The following PDE10A variants were observed in gnomAD, a reference collection of about 807,000 sequenced individuals.
The protein encoded by PDE10A is phosphodiesterase 10A, also known as cAMP and cAMP-inhibited cGMP 3',5'-cyclic phosphodiesterase 10A.
Under a neutral mutation model 97.7 loss-of-function variants are expected in PDE10A, and 39 were observed. That is an observed-to-expected ratio of 0.40 (90% CI 0.31 to 0.52). The LOEUF (loss-of-function observed/expected upper bound fraction) is 0.52, where lower values mean the gene tolerates loss of function less well. Ranked by LOEUF, PDE10A falls within the 20% of genes least tolerant of loss-of-function variation. PDE10A has a pLI of 0.56. For synonymous variants in PDE10A, 371 were observed against 376.8 expected (o/e 0.98, Z 0.18); for missense variants, 731 against 1,047.8 (o/e 0.70, Z 4.17).
intron 1 of PDE10A, among the ~76,000 whole-genome samples, chr6:165,941,745 C>T (rs1024013014): frequency 2.0e-5 from 3 of 152,208 alleles, no homozygotes; most frequent in African/African-American, 4.8e-5. Flanking sequence ...GATGCCAGCA[C>T]CATGCTTCTT....
At chr6:165,766,027 G>A (rs80020617) in intron 1 of PDE10A, among the ~76,000 whole-genome samples, 7,754 of 152,258 alleles carry the variant, frequency 0.051, 223 homozygotes, top group South Asian at 0.099. Context: ...TAAGGACAGA[G>A]TCAGTAAAAT....
At chr6:165,586,584 A>AAT (rs1041819927) in intron 1 of PDE10A, among the ~76,000 whole-genome samples, 6 of 152,222 alleles carry the variant, frequency 3.9e-5, no homozygotes, top group African/African-American at 1.4e-4. Flanking sequence ...AAATGTTAAT[A>AAT]ATATCCACAA....
intron 1 of PDE10A, among the ~76,000 whole-genome samples, chr6:165,838,178 C>G (rs572682828): frequency 6.6e-6 from 1 of 152,104 alleles, no homozygotes; most frequent in Non-Finnish European, 1.5e-5. Flanking sequence ...TCTCGTAAAC[C>G]CTTTGGGGAA....
chr6:165,333,350 G>A (rs758239307), intron 21 of PDE10A, among the ~76,000 whole-genome samples: 14 of 152,136 alleles, frequency 9.2e-5, no homozygotes, highest in Non-Finnish European at 1.2e-4. Flanking sequence ...TGGTCCATCC[G>A]CTCTGGACCG....
intron 1 of PDE10A, among the ~76,000 whole-genome samples, chr6:165,862,505 C>T (rs1037212928): frequency 3.3e-5 from 5 of 152,130 alleles, no homozygotes; most frequent in East Asian, 1.9e-4. Flanking sequence ...AACTCGACCA[C>T]GTTTAACAGT....
chr6:165,709,400 C>T (rs534866281), intron 1 of PDE10A, among the ~76,000 whole-genome samples: 150 of 143,054 alleles, frequency 1.0e-3, no homozygotes, highest in Non-Finnish European at 1.8e-3. Flanking sequence ...CATGCTGCCG[C>T]GCTCCCTCCA....
At chr6:165,974,055 A>C (rs1033561303) in intron 1 of PDE10A, among the ~76,000 whole-genome samples, 1 of 152,218 alleles carries the variant, frequency 6.6e-6, no homozygotes, top group Non-Finnish European at 1.5e-5. Context: ...TAAACATATC[A>C]ATTACAAGTT....
chr6:165,424,407 G>A (rs1583257851), intron 10 of PDE10A, among the ~76,000 whole-genome samples: 1 of 152,198 alleles, frequency 6.6e-6, no homozygotes, highest in East Asian at 1.9e-4. Context: ...AGATTCCCAA[G>A]AAACATTATA....
chr6:165,642,723 C>T (rs911993579), intron 1 of PDE10A, among the ~76,000 whole-genome samples: 19 of 152,176 alleles, frequency 1.2e-4, no homozygotes, highest in African/African-American at 4.1e-4. Context: ...GGTGGGTGAA[C>T]GCTACACAGC....
intron 1 of PDE10A, among the ~76,000 whole-genome samples, chr6:165,568,833 A>T (rs753312225): frequency 6.6e-6 from 1 of 152,234 alleles, no homozygotes; most frequent in African/African-American, 2.4e-5. Flanking sequence ...GAAGAAGGAA[A>T]GAGAAATTTA....
At chr6:165,378,596 A>G (rs953279161) in intron 18 of PDE10A, among the ~76,000 whole-genome samples, 1 of 152,234 alleles carries the variant, frequency 6.6e-6, no homozygotes, top group African/African-American at 2.4e-5. Flanking sequence ...ACAAAAGGGC[A>G]TCAGACTAAT....
At chr6:165,625,133 G>A (rs768338460) in intron 1 of PDE10A, among the ~76,000 whole-genome samples, 8 of 152,098 alleles carry the variant, frequency 5.3e-5, no homozygotes, top group Non-Finnish European at 8.8e-5. Flanking sequence ...CTTCATTCAG[G>A]GCAATGGGGA....
chr6:165,794,737 A>G (rs76545873), intron 1 of PDE10A, among the ~76,000 whole-genome samples: 99 of 152,346 alleles, frequency 6.5e-4, no homozygotes, highest in African/African-American at 2.3e-3. Context: ...TGAAACAATT[A>G]GATTCCCTGA....
At chr6:165,609,311 C>T (rs1202380012) in intron 1 of PDE10A, among the ~76,000 whole-genome samples, 1 of 152,166 alleles carries the variant, frequency 6.6e-6, no homozygotes, top group African/African-American at 2.4e-5. Context: ...TTCAACAGCC[C>T]TTCATGCTAA....
intron 1 of PDE10A, among the ~76,000 whole-genome samples, chr6:165,959,334 T>C (rs1386708944): frequency 6.6e-6 from 1 of 151,874 alleles, no homozygotes; most frequent in Non-Finnish European, 1.5e-5. Flanking sequence ...GGAGGGCAAA[T>C]GGGGAGGAAA....
At chr6:165,738,966 C>T (rs1468481149) in intron 1 of PDE10A, among the ~76,000 whole-genome samples, 1 of 152,056 alleles carries the variant, frequency 6.6e-6, no homozygotes, top group African/African-American at 2.4e-5. Context: ...GTGAAAACTA[C>T]AGAACATTGA....
intron 1 of PDE10A, among the ~76,000 whole-genome samples, chr6:165,679,575 C>A (rs1790920010): frequency 6.6e-6 from 1 of 152,204 alleles, no homozygotes; most frequent in Non-Finnish European, 1.5e-5. Flanking sequence ...TGTCACAGCA[C>A]AGGAACGCCG....
chr6:165,432,668 C>G (rs1444185145), intron 7 of PDE10A, among the ~76,000 whole-genome samples: 4 of 152,088 alleles, frequency 2.6e-5, no homozygotes, highest in Non-Finnish European at 5.9e-5. Flanking sequence ...TAAAGACAAC[C>G]AGAGTGTGAA....
At chr6:165,849,453 GTGGGGCATCCGCCCCT>G (rs777557837) in intron 1 of PDE10A, among the ~76,000 whole-genome samples, 6 of 152,096 alleles carry the variant, frequency 3.9e-5, no homozygotes, top group Non-Finnish European at 8.8e-5. Flanking sequence ...GAGGGGGCAG[GTGGGGCATCCGCCCCT>G]TGGGAGTAAT....
Sources: allele counts gnomAD v4.1 joint callset (sites outside exome capture counted in the v4.1 genomes callset), GRCh38; gene constraint gnomAD v4.1.1; transcripts MANE v1.5; gene names NCBI Gene and HGNC (gene_info 2026-07-23, HGNC 2026-07-21).